FUS: variants seen among roughly 807,000 people sequenced by gnomAD.
FUS encodes RNA-binding protein FUS.
In FUS, 5 loss-of-function variants were observed where a neutral mutation model predicts 82.7. The ratio of observed to expected loss-of-function variants is 0.06; its 90% CI spans 0.03 to 0.13. The LOEUF (loss-of-function observed/expected upper bound fraction) is 0.13, where lower values mean the gene tolerates loss of function less well. Ranked by LOEUF, FUS falls within the 10% of genes least tolerant of loss-of-function variation. The probability of loss-of-function intolerance (pLI) is 1.00; values close to 1 mark genes in which losing one functional copy is unlikely to be tolerated. For synonymous variants in FUS, 281 were observed against 247.4 expected, an observed-to-expected ratio of 1.14 and a Z score of -1.27; for missense variants, 512 against 707.8, an observed-to-expected ratio of 0.72 and a Z score of 3.14.
At chr16:31,188,221 T>G in intron 7 of FUS, 104 bp from the exon 8 acceptor site, 1 of 1,188,114 alleles carries the variant, frequency 8.4e-7, no homozygotes, top group Non-Finnish European at 1.2e-6. Context: ...CAAGTTTGGA[T>G]TTGGTGTTAA....
At chr16:31,183,737 A>G (rs1352022011) in intron 3 of FUS, 121 bp from the exon 4 acceptor site, 2 of 1,243,964 alleles carry the variant, frequency 1.6e-6, no homozygotes, top group African/African-American at 1.5e-5. Context: ...GAGTTGCAAC[A>G]TCACTAACAG....
intron 12 of FUS, 109 bp downstream of exon 12, chr16:31,190,507 T>G: frequency 6.5e-7 from 1 of 1,536,658 alleles, no homozygotes; most frequent in East Asian, 2.2e-5. Context: ...AAGGCCACAC[T>G]GTTGGGGTCA....
intron 9 of FUS, 104 bp downstream of exon 9, chr16:31,189,330 G>C: frequency 1.1e-6 from 1 of 931,734 alleles, no homozygotes; most frequent in Non-Finnish European, 1.8e-6. Context: ...GTAAAAACAA[G>C]TCTTAGTGGT....
At chr16:31,186,480 C>G (rs1327242164) in intron 6 of FUS, 3 of 463,912 alleles carry the variant, frequency 6.5e-6, no homozygotes, top group Non-Finnish European at 1.2e-5. Context: ...TTGTCAACCA[C>G]TTGCGACAAG....
intron 1 of FUS, 65 bp from the exon 2 acceptor site, chr16:31,182,333 T>C (rs1231812164): frequency 3.8e-6 from 6 of 1,576,794 alleles, no homozygotes; most frequent in Non-Finnish European, 4.4e-6. Context: ...TTAAGGAATT[T>C]AGCTTTAATT....
rs368730072 is a variant in FUS at position 31,184,947 on chromosome 16, G to A, written c.532G>A (p.Gly178Ser). 3.7e-6 allele frequency: 6 copies of A among 1,611,378 alleles called. No individual in the cohort carries two copies. In the African/African-American group the frequency reaches 5.4e-5, roughly 14 times the overall value. ...GGGGGGGGNYGQDQSSMSSGG... is the reference protein window; with the variant it reads ...GGGGGGGGNYSQDQSSMSSGG... Reference sequence around the variant, plus strand: ...TCTTTCTTTTCTCACAGGTAACTATGGCCAAGATCAATCCTCCATGAGTAG... The same window carrying A: ...TCTTTCTTTTCTCACAGGTAACTATAGCCAAGATCAATCCTCCATGAGTAG... The change falls in exon 6 of 15, where the codon GGC (glycine) becomes AGC (serine). Residue 178 changes from glycine (G) to serine (S), a missense_variant. By Grantham distance (56) the Gly-to-Ser change is moderately conservative. Coordinates refer to ENST00000254108, the MANE Select transcript of FUS (RefSeq NM_004960.4).
intron 1 of FUS, among the ~76,000 whole-genome samples, chr16:31,180,892 AG>A (rs1417056432): frequency 3.3e-5 from 5 of 150,036 alleles, no homozygotes; most frequent in Non-Finnish European, 7.4e-5. Context: ...GGACGGCCCG[AG>A]AGTTTTTCCC....
At chr16:31,192,164 T>G, downstream of FUS, 1 of 528,992 alleles carries the variant, frequency 1.9e-6, no homozygotes, top group Non-Finnish European at 3.7e-6. Flanking sequence ...AGGAGACTGG[T>G]CTGGCTGGGT....
chr16:31,183,789 C>T (rs1041460807), intron 3 of FUS, 69 bp from the exon 4 acceptor site: 34 of 1,593,182 alleles, frequency 2.1e-5, no homozygotes, highest in African/African-American at 1.3e-4. Flanking sequence ...ATTATGTTTT[C>T]TTTAACCCAT....
chr16:31,182,296 G>A (rs1331644619), intron 1 of FUS, 102 bp from the exon 2 acceptor site: 4 of 1,390,804 alleles, frequency 2.9e-6, no homozygotes, highest in South Asian at 1.2e-5. Context: ...TGGCCTACGT[G>A]GTCCTTTTTA....
At chr16:31,185,239 C>G in intron 6 of FUS, 60 bp downstream of exon 6, 2 of 1,528,104 alleles carry the variant, frequency 1.3e-6, no homozygotes, top group Non-Finnish European at 1.8e-6. Context: ...TTGCATGAAT[C>G]TCCCTGAAGC....
intron 1 of FUS, among the ~76,000 whole-genome samples, chr16:31,180,918 C>CT (rs34242298): frequency 0.28 from 41,032 of 147,746 alleles, 6,197 homozygotes; most frequent in South Asian, 0.53. Flanking sequence ...AAATTTCTTT[C>CT]TTTTTTTTTT....
chr16:31,180,303 G>A, intron 1 of FUS, 76 bp downstream of exon 1: 1 of 1,542,232 alleles, frequency 6.5e-7, no homozygotes, highest in South Asian at 1.2e-5. Context: ...TTTTCAGTGG[G>A]ACCGGGGCGG....
rs772845268 is a variant in FUS at position 31,183,877 on chromosome 16, A to C, written c.210A>C (p.Ser70=). The C allele has an allele frequency of 6.2e-7, 1 of 1,614,138 alleles. No homozygotes were observed. The highest frequency in any genetic ancestry group is 8.5e-7 in the Non-Finnish European group (1 of 1,180,022). Residue 70 remains serine, a synonymous_variant, in exon 4 of 15, where the codon TCA becomes TCC. Transcript: ENST00000254108. ...TGGTAGCAGGCTATGGAACTCAGTC[A>C]ACTCCCCAGGGATATGGCTCGACTG... The part of the protein sequence containing the change: ...QSQNTGYGTQ[S]TPQGYGSTGG...
chr16:31,192,355 C>T (rs1049374053), downstream of FUS: 3 of 525,912 alleles, frequency 5.7e-6, no homozygotes, highest in South Asian at 3.1e-5. Context: ...CAGCCTCTTA[C>T]CATGTGGTTG....
At chr16:31,187,093 G>T (rs1402920930) in intron 7 of FUS, 5 of 558,924 alleles carry the variant, frequency 8.9e-6, no homozygotes, top group Non-Finnish European at 1.6e-5. Flanking sequence ...GTAGGCCTTG[G>T]ACTGGGCCGT....
intron 1 of FUS, 35 bp downstream of exon 1, chr16:31,180,262 C>G: frequency 1.3e-6 from 2 of 1,596,788 alleles, no homozygotes; most frequent in South Asian, 1.1e-5. Context: ...CGGCGGCGCA[C>G]CCGGCCGAGG....
intron 5 of FUS, 50 bp from the exon 6 acceptor site, chr16:31,184,889 T>C (rs2144112570): frequency 1.3e-6 from 2 of 1,595,868 alleles, no homozygotes; most frequent in South Asian, 1.1e-5. Flanking sequence ...TTAGTGCTAC[T>C]TTACAATCTT....
chr16:31,191,068 G>T lies in FUS; in HGVS notation c.1499G>T (p.Gly500Val). ...DRGGFRGGRGGGDRGGFGPGK... is the reference protein window; with the variant it reads ...DRGGFRGGRGVGDRGGFGPGK... Reference sequence around the variant, plus strand: ...GGAGGCTTCCGAGGGGGCCGGGGTGGTGGGGACAGAGGTGGCTTTGGCCCT... The same window carrying T: ...GGAGGCTTCCGAGGGGGCCGGGGTGTTGGGGACAGAGGTGGCTTTGGCCCT... The change falls in exon 14 of 15, where the codon GGT becomes GTT. Residue 500 changes from glycine to valine, a missense_variant. Physicochemically the swap from Gly to Val is moderately radical, Grantham distance 109. Around this residue, in one of 6 missense-constraint regions of FUS, gnomAD observed 96 missense variants for 120.7 expected, o/e 0.80. Coordinates refer to ENST00000254108, the MANE Select transcript of FUS (RefSeq NM_004960.4). 1 of 1,613,250 alleles carries T rather than the reference G, an allele frequency of 6.2e-7. No homozygotes were observed. Among genetic ancestry groups the T allele is most frequent in the Non-Finnish European group, 8.5e-7 (1 of 1,179,998 alleles).
Sources: allele counts gnomAD v4.1 joint callset (sites outside exome capture counted in the v4.1 genomes callset), GRCh38; gene constraint gnomAD v4.1.1; regional missense constraint gnomAD v4.1.1; transcripts MANE v1.5; gene names NCBI Gene and HGNC (gene_info 2026-07-23, HGNC 2026-07-21).